The following BBS12 variants were observed in gnomAD, a reference collection of about 807,000 sequenced individuals.
The protein encoded by BBS12 is Bardet-Biedl syndrome 12, also known as chaperonin-containing T-complex member BBS12.
Under a neutral mutation model 5.6 loss-of-function variants are expected in BBS12, and 5 were observed. That is an observed-to-expected ratio of 0.89 (90% CI 0.46 to 1.86). The LOEUF (loss-of-function observed/expected upper bound fraction) is 1.86. Ranked by LOEUF, BBS12 falls within the 40% of genes most tolerant of loss-of-function variation. The probability of loss-of-function intolerance (pLI) is 0.01; values close to 1 mark genes in which losing one functional copy is unlikely to be tolerated. For synonymous variants in BBS12, 308 were observed against 306.8 expected, an observed-to-expected ratio of 1.00 and a Z score of -0.04; for missense variants, 748 against 830.4, an observed-to-expected ratio of 0.90 and a Z score of 1.22.
At chr4:122,740,107 C>CA (rs34178632) in intron 1 of BBS12, among the ~76,000 whole-genome samples, 40,299 of 151,294 alleles carry the variant, frequency 0.27, 6,462 homozygotes, top group African/African-American at 0.44. Flanking sequence ...CCCATCTCTA[C>CA]AAAAAAAATA....
At chr4:122,727,691 T>C in the BBS12 span, among the ~76,000 whole-genome samples, 24 of 151,606 alleles carry the variant, frequency 1.6e-4, no homozygotes, top group Non-Finnish European at 2.9e-4. Context: ...TAGCTGGGAT[T>C]ACAGGCGCCT....
At chr4:122,711,749 A>G in the BBS12 span, among the ~76,000 whole-genome samples, 533 of 152,300 alleles carry the variant, frequency 3.5e-3, 3 homozygotes, top group African/African-American at 0.012. Flanking sequence ...CTTTATTTGG[A>G]AATTAAATGT....
At chr4:122,704,699 C>G in the BBS12 span, among the ~76,000 whole-genome samples, 1 of 152,190 alleles carries the variant, frequency 6.6e-6, no homozygotes, top group South Asian at 2.1e-4. Flanking sequence ...TCAGCCAAAG[C>G]TGGGTTCAGT....
At chr4:122,701,301 G>A in the BBS12 span, among the ~76,000 whole-genome samples, 2 of 152,172 alleles carry the variant, frequency 1.3e-5, no homozygotes, top group African/African-American at 4.8e-5. Flanking sequence ...AGGAAATAGC[G>A]AGTCCATACC....
rs138294669 is a variant in BBS12, at chr4:122,734,836, G to A, written c.-11+1952G>A. 3.7e-3 allele frequency among the ~76,000 whole-genome samples: 566 copies of A among 152,168 alleles called. 10 individuals are homozygous for A. Among genetic ancestry groups the A allele is most frequent in the African/African-American group, 0.012 (509 of 41,498 alleles). ...CCAGATCTTGAATAGGATGTAATTA[G>A]TTTTGAAAACTAGCTATTAACGAAT... is the stretch of plus-strand genomic sequence containing the variant. On this transcript the variant is annotated intron_variant, in intron 1 of 1. Transcript: ENST00000314218.
Position 122,743,583 on chromosome 4 carries a change from C to A in BBS12, c.1691C>A (p.Ala564Asp). The change falls in exon 2 of 2, where the codon GCC becomes GAC. Residue 564 changes from alanine (A) to aspartate (D), a missense_variant. Physicochemically the swap from Ala to Asp is moderately radical, Grantham distance 126. Coordinates refer to ENST00000314218, the MANE Select transcript of BBS12 (RefSeq NM_152618.3). Reference protein sequence around the residue: ...AEQSLKKENHACSGWLHNTSS... With the variant: ...AEQSLKKENHDCSGWLHNTSS... ...CAATCTCTGAAAAAAGAAAACCATG[C>A]CTGCTCAGGGTGGCTGCATAATACT... 1 of 1,614,196 alleles carries A rather than the reference C, an allele frequency of 6.2e-7. No homozygotes were observed. The highest frequency in any genetic ancestry group is 8.5e-7 in the Non-Finnish European group (1 of 1,180,036).
In BBS12 at chr4:122,744,273, G is replaced by T; in HGVS notation, c.*248G>T. 2.2e-6 allele frequency: 1 copy of T among 462,226 alleles called. No homozygotes were observed. The highest frequency in any genetic ancestry group is 4.0e-6 in the Non-Finnish European group (1 of 249,778). 28.6% of individuals were successfully genotyped at this position (462,226 alleles called of 1,614,324 possible). ...CTGGGTCAGAAACAAAGGACTTATCGCTCACAGCAAAAGCTGTAGCCAGAG... is the reference window on the plus strand; with the variant it reads ...CTGGGTCAGAAACAAAGGACTTATCTCTCACAGCAAAAGCTGTAGCCAGAG... On this transcript the variant is annotated 3_prime_UTR_variant, in exon 2 of 2. Coordinates refer to ENST00000314218, the MANE Select transcript of BBS12 (RefSeq NM_152618.3).
chr4:122,701,656 G>A, the BBS12 span, among the ~76,000 whole-genome samples: 2 of 152,174 alleles, frequency 1.3e-5, no homozygotes, highest in Admixed American at 1.3e-4. Context: ...ATAACCCTGA[G>A]AAGTAGGCAC....
the BBS12 span, among the ~76,000 whole-genome samples, chr4:122,723,917 T>C: frequency 6.6e-6 from 1 of 152,168 alleles, no homozygotes. Flanking sequence ...AAGCAAATAG[T>C]TATAAAAGAG....
At chr4:122,733,174 C>G (rs1026424689) in intron 1 of BBS12, among the ~76,000 whole-genome samples, 1 of 152,090 alleles carries the variant, frequency 6.6e-6, no homozygotes. Context: ...ATGGTAGACA[C>G]CAGAATTCTG....
chr4:122,726,587 A>G, the BBS12 span, among the ~76,000 whole-genome samples: 4 of 152,214 alleles, frequency 2.6e-5, no homozygotes, highest in South Asian at 4.1e-4. Flanking sequence ...AGAGGAAAAG[A>G]AGTCATCATA....
the BBS12 span, among the ~76,000 whole-genome samples, chr4:122,723,992 C>T: frequency 2.0e-5 from 3 of 152,136 alleles, no homozygotes; most frequent in Non-Finnish European, 4.4e-5. Context: ...TATTTAATCT[C>T]ATCTTTATTT....
Position 122,742,682 on chromosome 4 carries a change from A to C in BBS12, c.790A>C (p.Arg264=). Residue 264 remains arginine (R), a synonymous_variant, in exon 2 of 2, where the codon AGA becomes CGA. Coordinates refer to ENST00000314218, the MANE Select transcript of BBS12 (RefSeq NM_152618.3). ...TGTTACAGCTACTCACAAAACTTAC[A>C]GATGTAATGATTTGGTAGAGTTGGC... ...EHVTATHKTY[R]CNDLVELAVG... is the part of the protein sequence containing the mutation. The C allele has an allele frequency of 6.2e-7, 1 of 1,614,252 alleles. No individual in the cohort carries two copies. Among genetic ancestry groups the C allele is most frequent in the East Asian group, 2.2e-5 (1 of 44,890 alleles).
chr4:122,714,455 A>C, the BBS12 span, among the ~76,000 whole-genome samples: 1 of 151,904 alleles, frequency 6.6e-6, no homozygotes, highest in Middle Eastern at 3.4e-3. Flanking sequence ...TACAAAATAC[A>C]TATTCATCAT....
At chr4:122,707,006 C>T in the BBS12 span, among the ~76,000 whole-genome samples, 1 of 150,166 alleles carries the variant, frequency 6.7e-6, no homozygotes, top group Non-Finnish European at 1.5e-5. Context: ...AACTTTTTTC[C>T]TCAGTTAAAA....
the BBS12 span, among the ~76,000 whole-genome samples, chr4:122,704,525 C>T: frequency 6.6e-6 from 1 of 152,218 alleles, no homozygotes. Context: ...TTTTCTTCCT[C>T]ATATTCGCCT....
chr4:122,728,046 T>C (rs1203282905), upstream of BBS12, among the ~76,000 whole-genome samples: 1 of 152,172 alleles, frequency 6.6e-6, no homozygotes, highest in Non-Finnish European at 1.5e-5. Context: ...CTTTGGGCAT[T>C]TTCATATAGT....
At chr4:122,725,097 T>TAG in the BBS12 span, among the ~76,000 whole-genome samples, 1 of 152,186 alleles carries the variant, frequency 6.6e-6, no homozygotes, top group Non-Finnish European at 1.5e-5. Flanking sequence ...TACTGTTACA[T>TAG]AGCACAAATA....
chr4:122,723,223 A>C, the BBS12 span, among the ~76,000 whole-genome samples: 1 of 152,194 alleles, frequency 6.6e-6, no homozygotes, highest in Non-Finnish European at 1.5e-5. Flanking sequence ...ATAATGAACT[A>C]TCCTTGTAGG....
Sources: gnomAD v4.1 joint callset for allele counts (sites outside exome capture counted in the v4.1 genomes callset) on GRCh38, gnomAD v4.1.1 for gene constraint, MANE v1.5 for transcripts, NCBI Gene and HGNC (gene_info 2026-07-23, HGNC 2026-07-21) for gene names.